PSTPIP1: variants seen among roughly 807,000 people sequenced by gnomAD.
PSTPIP1 encodes the protein proline-serine-threonine phosphatase interacting protein 1, also known as proline-serine-threonine phosphatase-interacting protein 1.
PSTPIP1 carries 66 observed loss-of-function variants against 69.6 expected under a neutral mutation model. The ratio of observed to expected loss-of-function variants is 0.95; its 90% CI spans 0.78 to 1.16. The LOEUF (loss-of-function observed/expected upper bound fraction) is 1.16. PSTPIP1 is among the 50% of genes most tolerant of loss of function. The pLI is 0.00. For synonymous variants in PSTPIP1, 266 were observed against 222.7 expected (o/e 1.19, Z -1.73); for missense variants, 603 against 557.4 (o/e 1.08, Z -0.82).
chr15:77,035,371 T>C (rs2152691539), intron 12 of PSTPIP1, 137 bp from the exon 13 acceptor site: 9 of 901,220 alleles, frequency 1.0e-5, no homozygotes, highest in South Asian at 1.6e-5. Flanking sequence ...ATGACATCCA[T>C]GCCTGGAGGC....
intron 3 of PSTPIP1, among the ~76,000 whole-genome samples, chr15:77,022,282 A>C (rs2076177263): frequency 6.6e-6 from 1 of 152,308 alleles, no homozygotes; most frequent in Middle Eastern, 3.4e-3. Context: ...GGGAGCCGAG[A>C]GGGCTACTCC....
chr15:77,028,681 C>T (rs757141756), intron 7 of PSTPIP1, 29 bp downstream of exon 7: 1 of 1,512,618 alleles, frequency 6.6e-7, no homozygotes, highest in Non-Finnish European at 8.9e-7. Context: ...CCGTGTGGGT[C>T]GCCCAGGGCT....
In PSTPIP1 at chr15:76,995,177, G is replaced by T; in HGVS notation, c.-397G>T. ...GCCTGCCTGCCTGCCTGCCTGGCCC[G>T]GCCCGAGCTCCAGCCTGCCTCTTCC... On this transcript the variant is annotated 5_prime_UTR_variant, in exon 1 of 15. Coordinates refer to ENST00000558012, the MANE Select transcript of PSTPIP1 (RefSeq NM_003978.5). 1 of 943,598 alleles carries T rather than the reference G, an allele frequency of 1.1e-6. No individual in the cohort carries two copies. Among genetic ancestry groups the T allele is most frequent in the Non-Finnish European group, 1.4e-6 (1 of 733,838 alleles). The allele number at this position is 943,598 out of a possible 1,614,324, so 58.5% of individuals were successfully genotyped here.
At chr15:77,003,820 G>T (rs1247454021) in intron 1 of PSTPIP1, among the ~76,000 whole-genome samples, 1 of 152,150 alleles carries the variant, frequency 6.6e-6, no homozygotes, top group African/African-American at 2.4e-5. Context: ...GGGCTTTGAG[G>T]TTGGGGCGGC....
intron 1 of PSTPIP1, among the ~76,000 whole-genome samples, chr15:77,012,045 C>A (rs2075945286): frequency 6.6e-6 from 1 of 152,056 alleles, no homozygotes; most frequent in African/African-American, 2.4e-5. Flanking sequence ...GGAACTCTCC[C>A]TTCCCTCCCT....
At chr15:77,025,714 G>T in intron 5 of PSTPIP1, 110 bp downstream of exon 5, 1 of 774,682 alleles carries the variant, frequency 1.3e-6, no homozygotes, top group Non-Finnish European at 2.0e-6. Context: ...GGCGGCAGGG[G>T]TGGTGGTGGG....
At position 77,027,024 on chromosome 15, in the gene PSTPIP1, G is replaced by A. The variant is rs1182316675; in HGVS notation, c.355-828G>A. ...TGCGTGTGCCACAGAGCAAGGACAT[G>A]TGCTTACAGGATGGTGCACACGTGC... On this transcript the variant is annotated intron_variant, in intron 5 of 14. Coordinates refer to ENST00000558012, the MANE Select transcript of PSTPIP1 (RefSeq NM_003978.5). This position sits in a 1 kb window ranked among gnomAD's most constrained non-coding sequence, Gnocchi z 4.3. Among the ~76,000 whole-genome samples the A allele has an allele frequency of 2.6e-5, 4 of 152,270 alleles. No individual in the cohort carries two copies. The highest frequency in any genetic ancestry group is 7.2e-5 in the African/African-American group (3 of 41,470).
intron 1 of PSTPIP1, chr15:76,999,753 C>G (rs1041790925): frequency 3.3e-5 from 5 of 152,308 alleles, no homozygotes; most frequent in Non-Finnish European, 5.9e-5. Context: ...ATAACTGGGT[C>G]AGGCAAGGAG....
intron 1 of PSTPIP1, among the ~76,000 whole-genome samples, chr15:76,998,443 T>C (rs1372413888): frequency 6.6e-6 from 1 of 152,192 alleles, no homozygotes; most frequent in Non-Finnish European, 1.5e-5. Context: ...AAAGCTCATA[T>C]ACTACACTCC....
intron 1 of PSTPIP1, among the ~76,000 whole-genome samples, chr15:76,997,592 C>A (rs946807268): frequency 6.6e-6 from 1 of 152,212 alleles, no homozygotes; most frequent in Non-Finnish European, 1.5e-5. Flanking sequence ...GAGACTTGCG[C>A]AAGGTCACAC....
intron 6 of PSTPIP1, 142 bp from the exon 7 acceptor site, chr15:77,028,412 T>G: frequency 1.6e-6 from 1 of 629,488 alleles, no homozygotes; most frequent in East Asian, 3.0e-5. Context: ...GACCCCCAGA[T>G]CCCTGTCCCT....
At chr15:77,029,817 CTTTCT>C (rs1453798415) in intron 8 of PSTPIP1, among the ~76,000 whole-genome samples, 3 of 152,312 alleles carry the variant, frequency 2.0e-5, no homozygotes, top group South Asian at 2.1e-4. Context: ...TTACTGTTCC[CTTTCT>C]TAACAGATGA....
At chr15:77,030,340 G>A (rs1231375088) in intron 8 of PSTPIP1, among the ~76,000 whole-genome samples, 162 bp from the exon 9 acceptor site, 1 of 152,222 alleles carries the variant, frequency 6.6e-6, no homozygotes, top group Non-Finnish European at 1.5e-5. Flanking sequence ...AGCGTGGGTG[G>A]CCCTGACGGG....
At position 77,037,312 on chromosome 15, in the gene PSTPIP1, A is replaced by C; in HGVS notation, c.*136A>C. On this transcript the variant is annotated 3_prime_UTR_variant, in exon 15 of 15. Coordinates refer to ENST00000558012, the MANE Select transcript of PSTPIP1 (RefSeq NM_003978.5). The stretch of plus-strand genomic sequence containing the variant: ...GGGAGCCTGTCGTCTCCCAGGGAAT[A>C]AAGGAGTGCGTTCTGTTCTCCTTGG... The C allele has an allele frequency of 8.4e-7, 1 of 1,196,654 alleles. No individual in the cohort carries two copies. The highest frequency in any genetic ancestry group is 1.1e-6 in the Non-Finnish European group (1 of 875,128). 74.1% of individuals were successfully genotyped at this position (1,196,654 alleles called of 1,614,324 possible).
At chr15:77,032,662 G>T in intron 11 of PSTPIP1, 200 bp from the exon 12 acceptor site, 3 of 622,566 alleles carry the variant, frequency 4.8e-6, no homozygotes, top group South Asian at 4.0e-5. Context: ...CCGCCTGTTT[G>T]GTTCCACTGG....
At chr15:77,028,722 C>CTA in intron 7 of PSTPIP1, 70 bp downstream of exon 7, 1 of 1,258,364 alleles carries the variant, frequency 7.9e-7, no homozygotes, top group Non-Finnish European at 1.1e-6. Context: ...GGAAGGGGTG[C>CTA]CGTAGACACC....
intron 1 of PSTPIP1, among the ~76,000 whole-genome samples, chr15:76,995,857 C>G (rs1376391761): frequency 6.6e-6 from 1 of 152,214 alleles, no homozygotes; most frequent in African/African-American, 2.4e-5. Flanking sequence ...GGAGACCTCT[C>G]CCCACAGCAG....
intron 1 of PSTPIP1, among the ~76,000 whole-genome samples, chr15:76,997,782 A>G (rs1297336616): frequency 6.6e-6 from 1 of 152,192 alleles, no homozygotes; most frequent in East Asian, 1.9e-4. Flanking sequence ...CTGAAGCTTC[A>G]TTTGTAGACA....
intron 1 of PSTPIP1, among the ~76,000 whole-genome samples, chr15:77,014,264 C>T (rs892384756): frequency 2.6e-5 from 4 of 152,156 alleles, no homozygotes; most frequent in Non-Finnish European, 5.9e-5. Context: ...TTGTGGTGAG[C>T]CCTGATCTTG....
Sources: allele counts gnomAD v4.1 joint callset (sites outside exome capture counted in the v4.1 genomes callset), GRCh38; gene constraint gnomAD v4.1.1; non-coding constraint Gnocchi (gnomAD v3.1); transcripts MANE v1.5; gene names NCBI Gene and HGNC (gene_info 2026-07-23, HGNC 2026-07-21).